The following ATXN3 variants were observed in gnomAD, a reference collection of about 807,000 sequenced individuals.
The protein encoded by ATXN3 is ataxin 3.
Under a neutral mutation model 58.2 loss-of-function variants are expected in ATXN3, and 28 were observed. The observed-to-expected ratio is 0.48, with a 90% CI of 0.36 to 0.66. ATXN3 has a LOEUF of 0.66. ATXN3 is among the 30% of genes least tolerant of loss of function. The probability of loss-of-function intolerance (pLI) is 0.00; values close to 1 mark genes in which losing one functional copy is unlikely to be tolerated. For missense variants in ATXN3, 321 were observed against 422.1 expected, an observed-to-expected ratio of 0.76 and a Z score of 2.10; for synonymous variants, 113 against 138.5, an observed-to-expected ratio of 0.82 and a Z score of 1.29.
rs1196448220 is a variant in ATXN3 at position 92,062,565 on chromosome 14, A to G, written c.*1755T>C. The stretch of plus-strand genomic sequence containing the variant: ...TATTTAGCTTTTTAAATCTTGAGGG[A>G]GTAGTACTAAACTCCAACATCCCTT... On this transcript the variant is annotated 3_prime_UTR_variant, in exon 11 of 11. Transcript: ENST00000644486. 6.6e-6 allele frequency: 1 copy of G among 152,180 alleles called. No individual in the cohort carries two copies. The highest frequency in any genetic ancestry group is 1.5e-5 in the Non-Finnish European group (1 of 68,028). The allele number at this position is 152,180 out of a possible 1,614,324, so 9.4% of individuals were successfully genotyped here. A position where few individuals can be genotyped will look rare whatever the true frequency, so the allele number is the denominator to read the frequency against.
At chr14:92,066,610 T>G in intron 10 of ATXN3, among the ~76,000 whole-genome samples, 1 of 143,722 alleles carries the variant, frequency 7.0e-6, no homozygotes, top group South Asian at 2.2e-4. Flanking sequence ...TGTTTTTTTT[T>G]TTTTTTTTTT....
At chr14:92,066,832 C>T (rs1478598791) in intron 10 of ATXN3, among the ~76,000 whole-genome samples, 5 of 150,084 alleles carry the variant, frequency 3.3e-5, no homozygotes, top group African/African-American at 7.4e-5. Flanking sequence ...TGCAGTGGCG[C>T]GACCTTGGCT....
At chr14:92,085,114 CT>C (rs2062149043) in intron 6 of ATXN3, among the ~76,000 whole-genome samples, 1 of 151,944 alleles carries the variant, frequency 6.6e-6, no homozygotes, top group African/African-American at 2.4e-5. Context: ...TGAAGAGTGT[CT>C]GAAGAATGGA....
chr14:92,094,133 G>T (rs1247959244), intron 3 of ATXN3, among the ~76,000 whole-genome samples: 1 of 151,838 alleles, frequency 6.6e-6, no homozygotes, highest in Non-Finnish European at 1.5e-5. Flanking sequence ...GTAGAGACAG[G>T]GTTTCACCTT....
chr14:92,053,472 CCTT>C (rs1262847353), upstream of ATXN3, among the ~76,000 whole-genome samples: 2 of 150,258 alleles, frequency 1.3e-5, no homozygotes, highest in Non-Finnish European at 3.0e-5. Context: ...TTTCTGCTCT[CCTT>C]TTTTTTTTCT....
chr14:92,092,362 A>G (rs1018569430), intron 5 of ATXN3, among the ~76,000 whole-genome samples: 1 of 152,248 alleles, frequency 6.6e-6, no homozygotes, highest in East Asian at 1.9e-4. Context: ...CAAAATTCTA[A>G]TAACAAGGAC....
chr14:92,071,145 G>A (rs2059382506), intron 9 of ATXN3, 92 bp from the exon 10 acceptor site: 1 of 1,493,852 alleles, frequency 6.7e-7, no homozygotes, highest in East Asian at 2.5e-5. Context: ...AAAATACATT[G>A]TTTCACGAAT....
intron 10 of ATXN3, among the ~76,000 whole-genome samples, chr14:92,066,300 T>G (rs896657629): frequency 6.6e-6 from 1 of 152,132 alleles, no homozygotes; most frequent in Non-Finnish European, 1.5e-5. Flanking sequence ...CTTAAATATT[T>G]CCAATATATA....
In ATXN3 at chr14:92,079,302, T is replaced by G. The variant is rs2061026983; in HGVS notation, c.872+1663A>C. On this transcript the variant is annotated intron_variant, in intron 9 of 10. Transcript: ENST00000644486. ...TGTATAAATTTGGAGTTTATTATAA[T>G]AAAAAAGTTAATTTTGAAACTTAAA... The G allele has an allele frequency of 1.4e-5, 5 of 364,596 alleles. No homozygotes were observed. The South Asian group carries it at 5.6e-4, about 41-fold the overall frequency. 22.6% of individuals were successfully genotyped at this position (364,596 alleles called of 1,614,324 possible).
intron 10 of ATXN3, among the ~76,000 whole-genome samples, chr14:92,068,178 C>CA (rs1420775373): frequency 6.6e-6 from 1 of 152,134 alleles, no homozygotes; most frequent in Non-Finnish European, 1.5e-5. Flanking sequence ...GGAGTGTTAT[C>CA]ACCTCCTGGA....
intron 10 of ATXN3, among the ~76,000 whole-genome samples, chr14:92,069,222 C>T (rs1397439856): frequency 1.4e-5 from 2 of 146,982 alleles, no homozygotes; most frequent in Non-Finnish European, 3.0e-5. Context: ...AGGTGCCCAC[C>T]ACCATGCCCA....
intron 9 of ATXN3, among the ~76,000 whole-genome samples, chr14:92,076,602 G>C (rs1595674504): frequency 6.6e-6 from 1 of 151,336 alleles, no homozygotes; most frequent in East Asian, 1.9e-4. Context: ...TTGTATTATA[G>C]TTTCTCTATG....
chr14:92,070,814 T>G (rs1555396798), intron 10 of ATXN3, 121 bp downstream of exon 10: 1 of 1,571,000 alleles, frequency 6.4e-7, no homozygotes. Context: ...CAAATTTACT[T>G]AAGATTCTTA....
At chr14:92,084,862 G>A (rs2062093028) in intron 6 of ATXN3, among the ~76,000 whole-genome samples, 2 of 152,136 alleles carry the variant, frequency 1.3e-5, no homozygotes, top group Non-Finnish European at 1.5e-5. Context: ...TTACAGGTGT[G>A]AGCCACCGCG....
intron 8 of ATXN3, among the ~76,000 whole-genome samples, chr14:92,081,335 T>C (rs1028768594): frequency 1.6e-4 from 24 of 146,620 alleles, no homozygotes; most frequent in African/African-American, 5.9e-4. Context: ...TAGCTGGGCG[T>C]GGTGGTAGGC....
At position 92,102,824 on chromosome 14, in the gene ATXN3, C is replaced by T. The variant is rs1231157833; in HGVS notation, c.24+3705G>A. Among the ~76,000 whole-genome samples the T allele has an allele frequency of 7.2e-5, 11 of 152,272 alleles. No homozygotes were observed. In the East Asian group the frequency reaches 2.1e-3, roughly 29 times the overall value. ...CAGGTAGTAAAAGGCAGAGCTGAGA[C>T]TCAAACCCAGGCAGAGGTTTCAAAA... On this transcript the variant is annotated intron_variant, in intron 1 of 10. Transcript: ENST00000644486.
chr14:92,072,442 A>T (rs2059599958), intron 9 of ATXN3, among the ~76,000 whole-genome samples: 1 of 152,208 alleles, frequency 6.6e-6, no homozygotes, highest in South Asian at 2.1e-4. Flanking sequence ...CTTTTTGAGC[A>T]CCAACATGAT....
chr14:92,104,330 C>T (rs558638749), intron 1 of ATXN3, among the ~76,000 whole-genome samples: 2 of 152,102 alleles, frequency 1.3e-5, no homozygotes, highest in East Asian at 3.9e-4. Context: ...TTAGTAGAGA[C>T]GGGGTTTCAC....
chr14:92,083,187 C>T lies in ATXN3; in HGVS notation c.547G>A (p.Val183Ile), dbSNP rs1490467143. Reference sequence around the variant, plus strand: ...AGTTTTGGTCGATGCATCTGTTGGACCCTAATCATCTGCAGGAGTTGGTCA... The same window carrying T: ...AGTTTTGGTCGATGCATCTGTTGGATCCTAATCATCTGCAGGAGTTGGTCA... ...EADQLLQMIR[V>I]QQMHRPKLIG... Residue 183 changes from valine (V) to isoleucine (I), a missense_variant, in exon 7 of 11, where the codon GTC becomes ATC. Val to Ile is a conservative substitution (Grantham distance 29, BLOSUM62 3). Around this residue, in one of 2 missense-constraint regions of ATXN3, gnomAD observed 200 missense variants for 223.2 expected, o/e 0.90. Transcript: ENST00000644486. The T allele has an allele frequency of 1.2e-6, 2 of 1,613,764 alleles. No homozygotes were observed. Among genetic ancestry groups the T allele is most frequent in the Non-Finnish European group, 1.7e-6 (2 of 1,179,942 alleles).
Sources: gnomAD v4.1 joint callset for allele counts (sites outside exome capture counted in the v4.1 genomes callset) on GRCh38, gnomAD v4.1.1 for gene constraint, gnomAD v4.1.1 regional missense constraint, MANE v1.5 for transcripts, NCBI Gene and HGNC (gene_info 2026-07-23, HGNC 2026-07-21) for gene names.